Variants in KCNU1 observed in about 807,000 individuals in gnomAD.
KCNU1 encodes potassium channel subfamily U member 1.
A neutral mutation model predicts 126.8 loss-of-function variants in KCNU1; 93 were observed. The observed-to-expected ratio is 0.73, with a 90% CI of 0.62 to 0.87. The LOEUF (loss-of-function observed/expected upper bound fraction) is 0.87, where lower values mean the gene tolerates loss of function less well. Ranked by LOEUF, KCNU1 falls within the 40% of genes least tolerant of loss-of-function variation. KCNU1 has a pLI of 0.00. For synonymous variants in KCNU1, 523 were observed against 494.2 expected (o/e 1.06, Z -0.77); for missense variants, 1,330 against 1,367.1 (o/e 0.97, Z 0.43).
chr8:36,784,836 T>A (rs1262909334), intron 1 of KCNU1, among the ~76,000 whole-genome samples: 2 of 152,158 alleles, frequency 1.3e-5, no homozygotes, highest in African/African-American at 4.8e-5. Context: ...AGCAATGTCT[T>A]GTATGGATAA....
chr8:36,788,061 G>A (rs1259567198), intron 2 of KCNU1, among the ~76,000 whole-genome samples: 1 of 151,988 alleles, frequency 6.6e-6, no homozygotes, highest in Non-Finnish European at 1.5e-5. Context: ...TGTATAGCTA[G>A]TTTCCTCTCC....
At chr8:36,813,188 T>C (rs925363269) in intron 7 of KCNU1, among the ~76,000 whole-genome samples, 1 of 152,126 alleles carries the variant, frequency 6.6e-6, no homozygotes, top group African/African-American at 2.4e-5. Context: ...AGTGGAGTAT[T>C]ATAGGGGTCC....
chr8:36,914,718 C>T (rs1475646192), intron 22 of KCNU1, among the ~76,000 whole-genome samples: 1 of 152,138 alleles, frequency 6.6e-6, no homozygotes, highest in Non-Finnish European at 1.5e-5. Flanking sequence ...ACTGCCCTGT[C>T]ACATCACAAG....
intron 23 of KCNU1, among the ~76,000 whole-genome samples, chr8:36,921,115 C>T (rs780226612): frequency 6.6e-6 from 1 of 152,130 alleles, no homozygotes; most frequent in Non-Finnish European, 1.5e-5. Flanking sequence ...AGATATAAGA[C>T]TCCTGGATCA....
intron 19 of KCNU1, among the ~76,000 whole-genome samples, chr8:36,876,316 G>A (rs992064426): frequency 3.9e-5 from 6 of 152,088 alleles, no homozygotes; most frequent in South Asian, 4.1e-4. Flanking sequence ...GGGTGAATGC[G>A]TTAAAAAAGA....
At position 36,922,842 on chromosome 8, in the gene KCNU1, G is replaced by A. The variant is rs576741138; in HGVS notation, c.2736+213G>A. ...CACATTTTCAAGATTAAAAACTTGAGGCCCTTGCAGCCAGAACCCCTGATG... is the reference window on the plus strand; with the variant it reads ...CACATTTTCAAGATTAAAAACTTGAAGCCCTTGCAGCCAGAACCCCTGATG... On this transcript the variant is annotated intron_variant, in intron 24 of 26. Coordinates refer to ENST00000399881, the MANE Select transcript of KCNU1 (RefSeq NM_001031836.3). 6.9e-5 allele frequency: 42 copies of A among 607,976 alleles called. No individual in the cohort carries two copies. The East Asian group carries it at 1.1e-3, about 17-fold the overall frequency. The allele number at this position is 607,976 out of a possible 1,614,324, so 37.7% of individuals were successfully genotyped here.
At chr8:36,879,209 G>GTATATATATATATATATATATATATATA (rs1429299814) in intron 19 of KCNU1, among the ~76,000 whole-genome samples, 1 of 86,690 alleles carries the variant, frequency 1.2e-5, no homozygotes, top group African/African-American at 4.6e-5. Context: ...GTGTGTGTGT[G>GTATATATATATATATATATATATATATA]TGTATATATA....
intron 26 of KCNU1, among the ~76,000 whole-genome samples, chr8:36,934,548 T>C (rs1808798054): frequency 6.6e-6 from 1 of 152,148 alleles, no homozygotes; most frequent in Non-Finnish European, 1.5e-5. Flanking sequence ...CTTATATTAA[T>C]ACTTGATCTC....
At chr8:36,932,504 G>A (rs1289028774) in intron 25 of KCNU1, among the ~76,000 whole-genome samples, 1 of 152,084 alleles carries the variant, frequency 6.6e-6, no homozygotes, top group African/African-American at 2.4e-5. Context: ...GTCCAGATGA[G>A]TATTTGGGAC....
At chr8:36,792,616 G>A (rs578154144) in intron 2 of KCNU1, among the ~76,000 whole-genome samples, 88 of 152,172 alleles carry the variant, frequency 5.8e-4, no homozygotes, top group African/African-American at 2.1e-3. Flanking sequence ...TTCAAGAGAG[G>A]CACTATCATT....
At chr8:36,810,948 A>T (rs370973967) in intron 7 of KCNU1, among the ~76,000 whole-genome samples, 55 of 152,322 alleles carry the variant, frequency 3.6e-4, no homozygotes, top group East Asian at 1.5e-3. Flanking sequence ...GAACCAAGGG[A>T]TTATTAAACA....
At chr8:36,872,704 A>G (rs907234060) in intron 19 of KCNU1, among the ~76,000 whole-genome samples, 7 of 152,200 alleles carry the variant, frequency 4.6e-5, no homozygotes, top group Admixed American at 4.6e-4. Flanking sequence ...AAATAATTGA[A>G]GTCAAGGTCT....
chr8:36,841,523 C>G (rs948358855), intron 16 of KCNU1, among the ~76,000 whole-genome samples: 10 of 152,026 alleles, frequency 6.6e-5, no homozygotes, highest in African/African-American at 2.4e-4. Context: ...GAAACCCTGT[C>G]TCTACTAAAA....
At chr8:36,900,150 T>C (rs905401607) in intron 19 of KCNU1, among the ~76,000 whole-genome samples, 1 of 130,054 alleles carries the variant, frequency 7.7e-6, no homozygotes, top group African/African-American at 2.7e-5. Flanking sequence ...GTGGCTAAGC[T>C]GGATGCAAGA....
At chr8:36,929,077 A>C in intron 24 of KCNU1, 1 of 687,820 alleles carries the variant, frequency 1.5e-6, no homozygotes, top group South Asian at 1.5e-5. Flanking sequence ...AAAGATTATA[A>C]AACTGTTGCT....
intron 7 of KCNU1, 49 bp from the exon 8 acceptor site, chr8:36,814,158 T>C (rs1444126800): frequency 2.8e-6 from 4 of 1,445,774 alleles, no homozygotes; most frequent in Admixed American, 1.9e-5. Flanking sequence ...TTAAAAATCT[T>C]CTCTTGGATT....
intron 19 of KCNU1, among the ~76,000 whole-genome samples, chr8:36,874,915 T>C (rs1325957155): frequency 6.6e-6 from 1 of 151,994 alleles, no homozygotes; most frequent in African/African-American, 2.4e-5. Context: ...AGAGGGATTC[T>C]GTTCCTTCCT....
chr8:36,895,609 T>G (rs531440250), intron 19 of KCNU1, among the ~76,000 whole-genome samples: 1 of 152,236 alleles, frequency 6.6e-6, no homozygotes, highest in African/African-American at 2.4e-5. Context: ...TCACAATTAA[T>G]GTCATTCTTC....
At chr8:36,818,536 G>A (rs1044671265) in intron 10 of KCNU1, among the ~76,000 whole-genome samples, 1 of 152,018 alleles carries the variant, frequency 6.6e-6, no homozygotes, top group African/African-American at 2.4e-5. Flanking sequence ...TGATTTGCAT[G>A]CACTCCAGTC....
Sources: gnomAD v4.1 joint callset for allele counts (sites outside exome capture counted in the v4.1 genomes callset) on GRCh38, gnomAD v4.1.1 for gene constraint, MANE v1.5 for transcripts, NCBI Gene and HGNC (gene_info 2026-07-23, HGNC 2026-07-21) for gene names.